Variants in CALN1 observed in about 807,000 individuals in gnomAD.
CALN1 encodes calcium-binding protein 8.
CALN1 carries 17 observed loss-of-function variants against 30.6 expected under a neutral mutation model. That is an observed-to-expected ratio of 0.56 (90% CI 0.38 to 0.83). The LOEUF (loss-of-function observed/expected upper bound fraction) is 0.83. Among genes scored for constraint, CALN1 ranks in the 40% least tolerant of loss-of-function variants. CALN1 has a pLI of 0.00. For missense variants in CALN1, 291 were observed against 354.9 expected, an observed-to-expected ratio of 0.82 and a Z score of 1.45; for synonymous variants, 156 against 131.4, an observed-to-expected ratio of 1.19 and a Z score of -1.28.
chr7:72,298,516 A>G (rs1472749625), intron 2 of CALN1, among the ~76,000 whole-genome samples: 1 of 152,204 alleles, frequency 6.6e-6, no homozygotes, highest in African/African-American at 2.4e-5. Context: ...CAGCTTGGTC[A>G]CTGTCTTGGG....
intron 4 of CALN1, among the ~76,000 whole-genome samples, chr7:72,026,302 G>A (rs1034469877): frequency 1.3e-5 from 2 of 152,038 alleles, no homozygotes; most frequent in African/African-American, 2.4e-5. Flanking sequence ...AAAATAGAGG[G>A]GGGTTGGGTG....
chr7:72,278,252 C>G (rs1797484864), intron 3 of CALN1, among the ~76,000 whole-genome samples: 1 of 152,118 alleles, frequency 6.6e-6, no homozygotes. Flanking sequence ...GGATTCAAAG[C>G]ACCATGGCCA....
At chr7:72,486,063 A>G in the CALN1 span, among the ~76,000 whole-genome samples, 71,845 of 151,960 alleles carry the variant, frequency 0.47, 18,170 homozygotes, top group East Asian at 0.7. Context: ...GATATAGCCT[A>G]CTACACACCT....
At chr7:71,845,119 A>C (rs1430978290) in intron 5 of CALN1, among the ~76,000 whole-genome samples, 1 of 152,082 alleles carries the variant, frequency 6.6e-6, no homozygotes, top group East Asian at 1.9e-4. Flanking sequence ...CCTGACCTCA[A>C]GCGATCCTCC....
intron 3 of CALN1, among the ~76,000 whole-genome samples, chr7:72,235,090 T>C (rs995411882): frequency 1.6e-4 from 24 of 151,942 alleles, no homozygotes; most frequent in Admixed American, 1.4e-3. Flanking sequence ...CTGAGCAATA[T>C]AGCGAGACTC....
At chr7:72,261,638 G>A (rs527574393) in intron 3 of CALN1, among the ~76,000 whole-genome samples, 11 of 152,164 alleles carry the variant, frequency 7.2e-5, no homozygotes, top group African/African-American at 2.6e-4. Flanking sequence ...ATGTTGCCCA[G>A]GCAAGTCTCA....
At chr7:72,188,435 G>C (rs1481767959) in intron 3 of CALN1, among the ~76,000 whole-genome samples, 3 of 152,144 alleles carry the variant, frequency 2.0e-5, no homozygotes, top group Admixed American at 2.0e-4. Flanking sequence ...ACTAGTCTAA[G>C]TGAAGTAACT....
intron 4 of CALN1, 128 bp from the exon 5 acceptor site, chr7:72,023,897 TTA>T: frequency 1.6e-6 from 1 of 617,898 alleles, no homozygotes; most frequent in Non-Finnish European, 2.8e-6. Context: ...GCTGGTAACA[TTA>T]CTTAAAACTG....
chr7:72,203,990 T>G (rs1791639421), intron 3 of CALN1, among the ~76,000 whole-genome samples: 1 of 79,572 alleles, frequency 1.3e-5, no homozygotes, highest in African/African-American at 4.8e-5. Flanking sequence ...TTTTTTTTTT[T>G]TTTTTTTTTT....
intron 1 of CALN1, among the ~76,000 whole-genome samples, chr7:72,444,704 A>G (rs765262916): frequency 1.3e-5 from 2 of 152,196 alleles, no homozygotes; most frequent in Non-Finnish European, 2.9e-5. Context: ...AGGCAGCTGC[A>G]ATTGAAAGAA....
At chr7:72,190,409 C>A (rs942149446) in intron 3 of CALN1, among the ~76,000 whole-genome samples, 2 of 152,168 alleles carry the variant, frequency 1.3e-5, no homozygotes, top group African/African-American at 4.8e-5. Flanking sequence ...AAGCTGTAAC[C>A]AGCTGATGTG....
At chr7:72,133,993 T>C (rs1386441970) in intron 3 of CALN1, among the ~76,000 whole-genome samples, 2 of 152,188 alleles carry the variant, frequency 1.3e-5, no homozygotes, top group Non-Finnish European at 2.9e-5. Context: ...TTAATCCCCA[T>C]TGTGGTGGCA....
At chr7:72,349,627 A>G (rs1180222168) in intron 2 of CALN1, among the ~76,000 whole-genome samples, 2 of 152,178 alleles carry the variant, frequency 1.3e-5, no homozygotes, top group African/African-American at 4.8e-5. Flanking sequence ...CTGAAATTGA[A>G]AACAAAAACA....
intron 2 of CALN1, among the ~76,000 whole-genome samples, chr7:72,312,250 A>T (rs1800102090): frequency 6.6e-6 from 1 of 152,080 alleles, no homozygotes; most frequent in South Asian, 2.1e-4. Flanking sequence ...CTAAAAATAC[A>T]AGAATTAGCA....
At chr7:72,035,420 T>C (rs752113951) in intron 4 of CALN1, among the ~76,000 whole-genome samples, 8 of 152,204 alleles carry the variant, frequency 5.3e-5, no homozygotes, top group Non-Finnish European at 8.8e-5. Context: ...TTCATCCATG[T>C]TGTAGCATAT....
At chr7:72,456,220 A>C in the CALN1 span, among the ~76,000 whole-genome samples, 4 of 150,180 alleles carry the variant, frequency 2.7e-5, no homozygotes, top group African/African-American at 9.8e-5. Flanking sequence ...GAGATGTACC[A>C]TTGTAAGAGG....
intron 5 of CALN1, among the ~76,000 whole-genome samples, chr7:71,941,158 C>T (rs1466965314): frequency 6.6e-6 from 1 of 151,650 alleles, no homozygotes; most frequent in Non-Finnish European, 1.5e-5. Flanking sequence ...ACCAGCCTGG[C>T]CAACATGGTG....
At position 72,352,322 on chromosome 7, in the gene CALN1, G is replaced by T. The variant is rs542074005; in HGVS notation, c.119+50929C>A. On this transcript the variant is annotated intron_variant, in intron 2 of 6. Coordinates refer to ENST00000395275, the MANE Select transcript of CALN1 (RefSeq NM_031468.4). ...GAGAATCGCTTGAACCTGGGAGGCA[G>T]AGGTTGCAGTGAGACACTATTGTGC... is the stretch of plus-strand genomic sequence containing the variant. Among the ~76,000 whole-genome samples the T allele has an allele frequency of 2.1e-5, 3 of 146,100 alleles. No individual in the cohort carries two copies. The South Asian group carries it at 6.5e-4, about 32-fold the overall frequency.
intron 1 of CALN1, among the ~76,000 whole-genome samples, chr7:72,440,310 A>C (rs1808308724): frequency 6.6e-6 from 1 of 152,174 alleles, no homozygotes; most frequent in African/African-American, 2.4e-5. Context: ...GAGCACTGGT[A>C]AATTTTTTTA....
Sources: allele counts gnomAD v4.1 joint callset (sites outside exome capture counted in the v4.1 genomes callset), GRCh38; gene constraint gnomAD v4.1.1; transcripts MANE v1.5; gene names NCBI Gene and HGNC (gene_info 2026-07-23, HGNC 2026-07-21).